Variants in CTNNA3 observed in about 807,000 individuals in gnomAD.
The protein encoded by CTNNA3 is catenin alpha 3.
Under a neutral mutation model 95.7 loss-of-function variants are expected in CTNNA3, and 76 were observed. The observed-to-expected ratio is 0.79, with a 90% CI of 0.66 to 0.96. CTNNA3 has a LOEUF of 0.96. Among genes scored for constraint, CTNNA3 ranks in the 40% least tolerant of loss-of-function variants. The probability of loss-of-function intolerance (pLI) is 0.00; values close to 1 mark genes in which losing one functional copy is unlikely to be tolerated. For synonymous variants in CTNNA3, 431 were observed against 374.4 expected (o/e 1.15, Z -1.74); for missense variants, 1,191 against 1,089.8 (o/e 1.09, Z -1.31).
chr10:67,451,020 C>A (rs1365704068), intron 5 of CTNNA3, among the ~76,000 whole-genome samples: 1 of 151,984 alleles, frequency 6.6e-6, no homozygotes, highest in Non-Finnish European at 1.5e-5. Context: ...AGAGGTAGGG[C>A]CTTTATGAGG....
At chr10:66,199,765 C>A (rs1330111960) in intron 13 of CTNNA3, among the ~76,000 whole-genome samples, 1 of 30,724 alleles carries the variant, frequency 3.3e-5, no homozygotes, top group African/African-American at 1.8e-4. Flanking sequence ...CCACGCCTGG[C>A]TATATATATA....
intron 7 of CTNNA3, among the ~76,000 whole-genome samples, chr10:67,107,658 G>T (rs1420849808): frequency 6.6e-6 from 1 of 151,926 alleles, no homozygotes; most frequent in African/African-American, 2.4e-5. Flanking sequence ...ATTTTTGATT[G>T]CTACATTTTA....
intron 10 of CTNNA3, among the ~76,000 whole-genome samples, chr10:66,533,709 A>G (rs1841548900): frequency 6.6e-6 from 1 of 152,124 alleles, no homozygotes; most frequent in African/African-American, 2.4e-5. Context: ...AATTTATTAA[A>G]GGCTTTTCCC....
rs529357677 is a variant in CTNNA3 at position 66,238,830 on chromosome 10, T to C, written c.1884+41640A>G. 2.0e-5 allele frequency among the ~76,000 whole-genome samples: 3 copies of C among 152,142 alleles called. No homozygotes were observed. In the South Asian group the frequency reaches 6.2e-4, roughly 31 times the overall value. ...TCAATTATAAACATGCATTACTGGATAATTTTTAAGAAAAATAATTGTTTT... is the reference window on the plus strand; with the variant it reads ...TCAATTATAAACATGCATTACTGGACAATTTTTAAGAAAAATAATTGTTTT... On this transcript the variant is annotated intron_variant, in intron 13 of 17. Coordinates refer to ENST00000433211, the MANE Select transcript of CTNNA3 (RefSeq NM_013266.4).
intron 12 of CTNNA3, among the ~76,000 whole-genome samples, chr10:66,373,131 T>G (rs1255718010): frequency 6.6e-6 from 1 of 152,172 alleles, no homozygotes; most frequent in East Asian, 1.9e-4. Flanking sequence ...CACTTTAGAT[T>G]ACTCCATGTA....
intron 2 of CTNNA3, among the ~76,000 whole-genome samples, chr10:67,633,717 C>A (rs774224995): frequency 1.3e-5 from 2 of 151,978 alleles, no homozygotes; most frequent in African/African-American, 2.4e-5. Context: ...CCCATAAAAA[C>A]CCCATTAAAA....
chr10:67,119,037 G>A (rs990198322), intron 7 of CTNNA3, among the ~76,000 whole-genome samples: 2 of 151,772 alleles, frequency 1.3e-5, no homozygotes. Context: ...TGGACTGTTT[G>A]GGACTAAGAA....
intron 13 of CTNNA3, among the ~76,000 whole-genome samples, chr10:66,214,268 T>C (rs1163675311): frequency 3.9e-5 from 6 of 152,318 alleles, no homozygotes; most frequent in Non-Finnish European, 4.4e-5. Context: ...AAGTTGTGCT[T>C]GCTTTTCCTT....
chr10:67,150,943 A>G (rs1475451391), intron 7 of CTNNA3, among the ~76,000 whole-genome samples: 2 of 152,190 alleles, frequency 1.3e-5, no homozygotes, highest in Non-Finnish European at 2.9e-5. Flanking sequence ...AATGGATAGT[A>G]AGAGGTATGT....
intron 7 of CTNNA3, among the ~76,000 whole-genome samples, chr10:66,891,995 C>G (rs1356687197): frequency 6.6e-6 from 1 of 151,986 alleles, no homozygotes; most frequent in Non-Finnish European, 1.5e-5. Flanking sequence ...AATCACTTTA[C>G]CTGTCTTATT....
At chr10:66,904,623 C>G (rs944020733) in intron 7 of CTNNA3, among the ~76,000 whole-genome samples, 1 of 152,050 alleles carries the variant, frequency 6.6e-6, no homozygotes, top group African/African-American at 2.4e-5. Context: ...ACCCATCTGA[C>G]AAAGGGCTTA....
At chr10:67,095,445 G>T (rs989739525) in intron 7 of CTNNA3, among the ~76,000 whole-genome samples, 2 of 151,748 alleles carry the variant, frequency 1.3e-5, no homozygotes, top group Non-Finnish European at 2.9e-5. Flanking sequence ...TAATATGTGG[G>T]ATTTTTAAAA....
chr10:66,723,967 C>G (rs1848706077), intron 9 of CTNNA3, among the ~76,000 whole-genome samples: 2 of 151,880 alleles, frequency 1.3e-5, no homozygotes, highest in African/African-American at 4.8e-5. Flanking sequence ...CATATTTTTT[C>G]CCCTCCTGGA....
intron 7 of CTNNA3, among the ~76,000 whole-genome samples, chr10:66,912,767 T>A (rs1009475417): frequency 6.6e-6 from 1 of 152,104 alleles, no homozygotes; most frequent in South Asian, 2.1e-4. Context: ...GGGAGAAACC[T>A]CATCAAAGTG....
intron 10 of CTNNA3, among the ~76,000 whole-genome samples, chr10:66,607,190 T>C (rs766743232): frequency 6.6e-6 from 1 of 151,902 alleles, no homozygotes; most frequent in Non-Finnish European, 1.5e-5. Flanking sequence ...AAGATGTGGA[T>C]AAATTCCTGG....
intron 10 of CTNNA3, among the ~76,000 whole-genome samples, chr10:66,573,146 A>T (rs1205061311): frequency 6.6e-6 from 1 of 152,200 alleles, no homozygotes; most frequent in African/African-American, 2.4e-5. Flanking sequence ...GGTTCACATG[A>T]AATATAAACC....
At chr10:66,898,372 A>G (rs1217674691) in intron 7 of CTNNA3, among the ~76,000 whole-genome samples, 1 of 152,210 alleles carries the variant, frequency 6.6e-6, no homozygotes, top group Non-Finnish European at 1.5e-5. Context: ...AAGTATCTGT[A>G]AAGCTAAAGC....
chr10:66,084,481 G>T (rs2080902644), intron 14 of CTNNA3, among the ~76,000 whole-genome samples: 2 of 152,066 alleles, frequency 1.3e-5, no homozygotes, highest in Admixed American at 1.3e-4. Flanking sequence ...ACCAGAAATT[G>T]AAGATGATTT....
At chr10:66,743,169 G>A (rs909292304) in intron 9 of CTNNA3, among the ~76,000 whole-genome samples, 1 of 152,052 alleles carries the variant, frequency 6.6e-6, no homozygotes, top group Non-Finnish European at 1.5e-5. Context: ...CCCACTGGCT[G>A]ATTATAATAG....
Sources: allele counts gnomAD v4.1 joint callset (sites outside exome capture counted in the v4.1 genomes callset), GRCh38; gene constraint gnomAD v4.1.1; transcripts MANE v1.5; gene names NCBI Gene and HGNC (gene_info 2026-07-23, HGNC 2026-07-21).